EIF3H: variants seen among roughly 807,000 people sequenced by gnomAD.
EIF3H encodes eukaryotic translation initiation factor 3 subunit H.
A neutral mutation model predicts 44.2 loss-of-function variants in EIF3H; 26 were observed. The ratio of observed to expected loss-of-function variants is 0.59; its 90% CI spans 0.43 to 0.82. The LOEUF is 0.82. Among genes scored for constraint, EIF3H ranks in the 40% least tolerant of loss-of-function variants. The probability of loss-of-function intolerance (pLI) is 0.00; values close to 1 mark genes in which losing one functional copy is unlikely to be tolerated. For synonymous variants in EIF3H, 166 were observed against 151.9 expected (o/e 1.09, Z -0.68); for missense variants, 359 against 432.8 (o/e 0.83, Z 1.51).
chr8:116,744,514 C>T (rs1815199423), intron 1 of EIF3H, among the ~76,000 whole-genome samples: 1 of 152,160 alleles, frequency 6.6e-6, no homozygotes, highest in Admixed American at 6.5e-5. Flanking sequence ...CACTTCAGCC[C>T]TTTCAGTTTT....
intron 2 of EIF3H, among the ~76,000 whole-genome samples, chr8:116,703,869 G>A (rs1013049733): frequency 7.2e-5 from 11 of 152,042 alleles, no homozygotes; most frequent in African/African-American, 2.7e-4. Context: ...ACCATCTCTC[G>A]TCTCTGCACA....
upstream of EIF3H, among the ~76,000 whole-genome samples, chr8:116,756,510 C>T (rs1202389738): frequency 6.6e-6 from 1 of 152,208 alleles, no homozygotes; most frequent in Non-Finnish European, 1.5e-5. Flanking sequence ...TATATGACAA[C>T]TGTAAGAAGC....
At chr8:116,707,215 C>T (rs113648879) in intron 2 of EIF3H, among the ~76,000 whole-genome samples, 54 of 152,296 alleles carry the variant, frequency 3.5e-4, no homozygotes, top group African/African-American at 1.2e-3. Context: ...CTCCAGAAAA[C>T]AGGCCTAAAA....
At chr8:116,706,679 C>A (rs182594193) in intron 2 of EIF3H, among the ~76,000 whole-genome samples, 1 of 152,110 alleles carries the variant, frequency 6.6e-6, no homozygotes. Context: ...AGACTACAGG[C>A]GAATGCCACC....
At chr8:116,694,092 G>C (rs932886082) in intron 2 of EIF3H, among the ~76,000 whole-genome samples, 3 of 151,630 alleles carry the variant, frequency 2.0e-5, no homozygotes, top group African/African-American at 4.8e-5. Flanking sequence ...ATGAATATGA[G>C]TAAGTCAAAT....
At chr8:116,658,163 A>C (rs201171149) in intron 3 of EIF3H, 15 of 152,210 alleles carry the variant, frequency 9.9e-5, no homozygotes, top group African/African-American at 3.6e-4. Flanking sequence ...GGGGCAGCTC[A>C]TAAGATTGAT....
At chr8:116,737,588 C>T (rs1033178149) in intron 1 of EIF3H, 5 of 185,222 alleles carry the variant, frequency 2.7e-5, no homozygotes, top group South Asian at 9.9e-5. Flanking sequence ...ACCTGGGAGG[C>T]GGAGGATGCA....
At chr8:116,723,829 T>C (rs73701461) in intron 2 of EIF3H, among the ~76,000 whole-genome samples, 20,945 of 152,146 alleles carry the variant, frequency 0.14, 1,681 homozygotes, top group East Asian at 0.42. Flanking sequence ...TAAAAGATGA[T>C]GTATATAAAT....
intron 1 of EIF3H, among the ~76,000 whole-genome samples, chr8:116,737,471 C>T (rs746194108): frequency 9.9e-5 from 15 of 152,026 alleles, no homozygotes; most frequent in Non-Finnish European, 1.6e-4. Context: ...CTCTGGCCAA[C>T]ATGGTGAAAC....
intron 5 of EIF3H, among the ~76,000 whole-genome samples, chr8:116,654,537 C>T (rs1813456182): frequency 6.6e-6 from 1 of 152,118 alleles, no homozygotes; most frequent in South Asian, 2.1e-4. Context: ...GAAAAAGGTT[C>T]TTAGCTAAAT....
chr8:116,681,457 G>T (rs1349853257), intron 2 of EIF3H, among the ~76,000 whole-genome samples: 5 of 151,460 alleles, frequency 3.3e-5, no homozygotes, highest in African/African-American at 1.2e-4. Flanking sequence ...ACCTGAGGTA[G>T]GGAGTTCAAG....
chr8:116,752,724 G>GAGAA (rs1325404786), intron 1 of EIF3H, among the ~76,000 whole-genome samples: 5 of 120,384 alleles, frequency 4.2e-5, no homozygotes, highest in Non-Finnish European at 8.5e-5. Context: ...AAGAAAGAAA[G>GAGAA]AAAGAAAGAA....
intron 1 of EIF3H, among the ~76,000 whole-genome samples, chr8:116,736,332 TTA>T (rs1198458007): frequency 6.6e-6 from 1 of 152,156 alleles, no homozygotes; most frequent in East Asian, 1.9e-4. Context: ...AAACAATTGT[TTA>T]TAGTTACTAA....
At chr8:116,754,402 C>A (rs919783553) in intron 1 of EIF3H, among the ~76,000 whole-genome samples, 2 of 152,180 alleles carry the variant, frequency 1.3e-5, no homozygotes, top group Admixed American at 6.5e-5. Flanking sequence ...TGAGCCACCA[C>A]GCCCGGCCTG....
intron 2 of EIF3H, among the ~76,000 whole-genome samples, chr8:116,708,993 T>C (rs1814519301): frequency 6.7e-6 from 1 of 149,682 alleles, no homozygotes; most frequent in Non-Finnish European, 1.5e-5. Context: ...AGGGCCTTTC[T>C]TTAAAAAAAA....
intron 6 of EIF3H, among the ~76,000 whole-genome samples, chr8:116,648,218 G>A (rs1813336681): frequency 6.6e-6 from 1 of 152,156 alleles, no homozygotes; most frequent in African/African-American, 2.4e-5. Flanking sequence ...GAGCAGTATA[G>A]TCCAAATACA....
chr8:116,707,614 T>C (rs769375272), intron 2 of EIF3H, among the ~76,000 whole-genome samples: 1 of 152,190 alleles, frequency 6.6e-6, no homozygotes, highest in Non-Finnish European at 1.5e-5. Flanking sequence ...TGTACTCTTT[T>C]ACTCAATCTT....
chr8:116,663,344 G>A (rs1813611942), intron 2 of EIF3H, among the ~76,000 whole-genome samples: 1 of 152,182 alleles, frequency 6.6e-6, no homozygotes, highest in South Asian at 2.1e-4. Flanking sequence ...TGGCAACTTT[G>A]CAGAGTTGGT....
intron 1 of EIF3H, among the ~76,000 whole-genome samples, chr8:116,738,557 C>CT (rs11393684): frequency 0.85 from 129,652 of 152,056 alleles, 55,435 homozygotes; most frequent in Middle Eastern, 0.89. Flanking sequence ...GCAGAAAGGC[C>CT]GTTTAAGAGA....
Sources: gnomAD v4.1 joint callset for allele counts (sites outside exome capture counted in the v4.1 genomes callset) on GRCh38, gnomAD v4.1.1 for gene constraint, MANE v1.5 for transcripts, NCBI Gene and HGNC (gene_info 2026-07-23, HGNC 2026-07-21) for gene names.